Variants in PDE3B observed in about 807,000 individuals in gnomAD.
PDE3B encodes the protein phosphodiesterase 3B.
PDE3B carries 66 observed loss-of-function variants against 116.8 expected under a neutral mutation model. The observed-to-expected ratio is 0.56, with a 90% confidence interval of 0.46 to 0.69. PDE3B has a LOEUF of 0.69. PDE3B is among the 30% of genes least tolerant of loss of function. The pLI, the probability that PDE3B is intolerant of heterozygous loss-of-function variation, is 0.00. For synonymous variants in PDE3B, 595 were observed against 533.6 expected (o/e 1.12, Z -1.59); for missense variants, 1,384 against 1,368.1 (o/e 1.01, Z -0.18).
At chr11:14,826,617 T>G (rs1436837058) in intron 7 of PDE3B, among the ~76,000 whole-genome samples, 1 of 152,078 alleles carries the variant, frequency 6.6e-6, no homozygotes, top group Non-Finnish European at 1.5e-5. Context: ...AAACGGAATC[T>G]GTAATAAATA....
intron 1 of PDE3B, among the ~76,000 whole-genome samples, chr11:14,735,010 C>T (rs546635159): frequency 1.3e-5 from 2 of 152,278 alleles, no homozygotes; most frequent in East Asian, 3.9e-4. Context: ...ATGTCTCTTT[C>T]ATCTCTTTCA....
intron 2 of PDE3B, among the ~76,000 whole-genome samples, chr11:14,782,743 A>G (rs1036203055): frequency 1.3e-5 from 2 of 152,238 alleles, no homozygotes; most frequent in African/African-American, 4.8e-5. Flanking sequence ...TGGCAACAAA[A>G]GCCAAAGTTG....
chr11:14,827,171 A>G (rs1050372217), intron 7 of PDE3B, among the ~76,000 whole-genome samples: 2 of 152,214 alleles, frequency 1.3e-5, no homozygotes, highest in Non-Finnish European at 2.9e-5. Flanking sequence ...ACATACCTCA[A>G]AATAATAAGA....
At chr11:14,652,683 A>G (rs1446123014) in intron 1 of PDE3B, among the ~76,000 whole-genome samples, 3 of 152,192 alleles carry the variant, frequency 2.0e-5, no homozygotes, top group Non-Finnish European at 4.4e-5. Flanking sequence ...TCATTAAATA[A>G]CAACTACCCT....
the PDE3B span, chr11:14,891,223 TGAG>T: frequency 2.0e-6 from 2 of 985,128 alleles, no homozygotes; most frequent in Non-Finnish European, 2.4e-6. Flanking sequence ...CTCCGCAGAA[TGAG>T]GAGGAGCGAA....
chr11:14,762,627 C>A (rs1248123712), intron 1 of PDE3B, among the ~76,000 whole-genome samples: 3 of 152,126 alleles, frequency 2.0e-5, no homozygotes, highest in Non-Finnish European at 2.9e-5. Context: ...AAGAGGGTTG[C>A]TTTGCTCTGT....
intron 1 of PDE3B, among the ~76,000 whole-genome samples, chr11:14,658,245 T>C (rs1262681460): frequency 6.6e-6 from 1 of 152,198 alleles, no homozygotes; most frequent in Admixed American, 6.5e-5. Context: ...TTCTTCCTCA[T>C]AGAAGCCATA....
the PDE3B span, chr11:14,879,436 A>C: frequency 6.2e-7 from 1 of 1,600,892 alleles, no homozygotes; most frequent in African/African-American, 1.3e-5. Flanking sequence ...TCTCTTTCTG[A>C]ACTTGTCCTG....
At chr11:14,882,365 A>C in the PDE3B span, among the ~76,000 whole-genome samples, 1 of 152,154 alleles carries the variant, frequency 6.6e-6, no homozygotes, top group Non-Finnish European at 1.5e-5. Context: ...GGAGATGAGG[A>C]AGTGAGACAA....
At chr11:14,845,741 G>A (rs977659399) in intron 12 of PDE3B, among the ~76,000 whole-genome samples, 15 of 152,174 alleles carry the variant, frequency 9.9e-5, no homozygotes, top group Non-Finnish European at 2.9e-5. Context: ...GGGTTTCGGT[G>A]ATGGAAGATG....
At chr11:14,714,532 C>A (rs1781999824) in intron 1 of PDE3B, among the ~76,000 whole-genome samples, 2 of 146,824 alleles carry the variant, frequency 1.4e-5, no homozygotes, top group South Asian at 4.4e-4. Context: ...CCAGCTAAAC[C>A]CTGTCTCAAA....
intron 1 of PDE3B, among the ~76,000 whole-genome samples, chr11:14,670,259 AT>A (rs1286950526): frequency 6.6e-6 from 1 of 152,106 alleles, no homozygotes; most frequent in Non-Finnish European, 1.5e-5. Context: ...CAGTTTTCTC[AT>A]TTTCAAAATA....
intron 12 of PDE3B, among the ~76,000 whole-genome samples, chr11:14,849,589 C>G (rs1847696517): frequency 6.6e-6 from 1 of 152,156 alleles, no homozygotes; most frequent in Non-Finnish European, 1.5e-5. Flanking sequence ...ACCTACTCAT[C>G]TGACAAAGGA....
intron 1 of PDE3B, among the ~76,000 whole-genome samples, chr11:14,735,958 T>TGTTG (rs1554987382): frequency 1.7e-4 from 24 of 142,926 alleles, no homozygotes; most frequent in African/African-American, 6.2e-4. Flanking sequence ...GAATAATAGG[T>TGTTG]TGTGTGTGTG....
intron 1 of PDE3B, among the ~76,000 whole-genome samples, chr11:14,764,063 A>G (rs1857430197): frequency 6.6e-6 from 1 of 152,164 alleles, no homozygotes; most frequent in Non-Finnish European, 1.5e-5. Context: ...AGGCAACTAG[A>G]AACTAGCAAT....
At chr11:14,717,672 G>A (rs1008342395) in intron 1 of PDE3B, among the ~76,000 whole-genome samples, 3 of 128,558 alleles carry the variant, frequency 2.3e-5, no homozygotes, top group African/African-American at 9.1e-5. Flanking sequence ...GCCAAAGTAA[G>A]CTTCATAAGT....
chr11:14,750,123 T>C (rs1234198053), intron 1 of PDE3B, among the ~76,000 whole-genome samples: 1 of 151,464 alleles, frequency 6.6e-6, no homozygotes, highest in Admixed American at 6.6e-5. Context: ...GCCTTTTGGT[T>C]CTATTTAATT....
chr11:14,675,553 G>C (rs1854508660), intron 1 of PDE3B, among the ~76,000 whole-genome samples: 1 of 151,954 alleles, frequency 6.6e-6, no homozygotes. Flanking sequence ...GCCACTTACT[G>C]ATTTCTATTG....
At chr11:14,799,868 C>G (rs1206576924) in intron 4 of PDE3B, among the ~76,000 whole-genome samples, 3 of 151,304 alleles carry the variant, frequency 2.0e-5, no homozygotes, top group Non-Finnish European at 4.4e-5. Context: ...ATACAGCACA[C>G]TGATGGGTCT....
Sources: gnomAD v4.1 joint callset for allele counts (sites outside exome capture counted in the v4.1 genomes callset) on GRCh38, gnomAD v4.1.1 for gene constraint, MANE v1.5 for transcripts, NCBI Gene and HGNC (gene_info 2026-07-23, HGNC 2026-07-21) for gene names.